Variants in PSMD9 observed in about 807,000 individuals in gnomAD.
PSMD9 encodes 26S proteasome non-ATPase regulatory subunit 9.
PSMD9 carries 26 observed loss-of-function variants against 25.9 expected under a neutral mutation model. The observed-to-expected ratio is 1.00, with a 90% CI of 0.73 to 1.39. The LOEUF is 1.39. Among genes scored for constraint, PSMD9 ranks in the 40% most tolerant of loss-of-function variants. The pLI is 0.00. For missense variants in PSMD9, 303 were observed against 299.3 expected, an observed-to-expected ratio of 1.01 and a Z score of -0.09; for synonymous variants, 110 against 114.5, an observed-to-expected ratio of 0.96 and a Z score of 0.25.
intron 1 of PSMD9, among the ~76,000 whole-genome samples, chr12:121,893,277 T>C (rs1251430354): frequency 2.0e-5 from 3 of 152,020 alleles, no homozygotes; most frequent in Non-Finnish European, 4.4e-5. Flanking sequence ...GTTAGGGGAG[T>C]GTGGAGAACT....
Position 121,896,647 on chromosome 12 carries a change from A to T in PSMD9, c.241+1806A>T, listed in dbSNP as rs1165811195. On this transcript the variant is annotated intron_variant, in intron 2 of 5. Coordinates refer to ENST00000541212, the MANE Select transcript of PSMD9 (RefSeq NM_002813.7). ...AGGTCGGGAGTTCGAGACCAGCCTG[A>T]CCAACATGGAGAAACCCTGTCTCTA... 2.0e-5 allele frequency among the ~76,000 whole-genome samples: 3 copies of T among 151,838 alleles called. 1 individual carries two copies. The South Asian group carries it at 6.2e-4, about 32-fold the overall frequency.
chr12:121,888,903 GCGTC>G lies in PSMD9; in HGVS notation c.48_51del (p.Val17Ter), dbSNP rs746003212. On this transcript the variant is annotated frameshift_variant, in exon 1 of 6. Transcript: ENST00000541212. LOFTEE classifies it high-confidence loss of function. ...CAGAGCGGAGGCTCCTCGCAGGCCG[GCGTC>G]GTGACTGTCAGCGACGTCCAGGAGC... The G allele has an allele frequency of 6.2e-7, 1 of 1,600,536 alleles. No individual in the cohort carries two copies. The highest frequency in any genetic ancestry group is 8.5e-7 in the Non-Finnish European group (1 of 1,174,446).
intron 4 of PSMD9, 200 bp from the exon 5 acceptor site, chr12:121,915,656 G>A (rs1057045596): frequency 5.6e-6 from 3 of 535,018 alleles, no homozygotes; most frequent in Non-Finnish European, 9.9e-6. Flanking sequence ...TGTTTTTTGA[G>A]GAAGATGGTA....
In PSMD9 at chr12:121,913,850, G is replaced by A. The variant is rs1209732048; in HGVS notation, c.556-2006G>A. Among the ~76,000 whole-genome samples the A allele has an allele frequency of 8.6e-5, 13 of 151,992 alleles. No homozygotes were observed. The East Asian group carries it at 1.9e-3, about 23-fold the overall frequency. ...GTTGCCTTTTCACTCTGTTAATAGT[G>A]TCATTTGATACATAGAAGTTTTAGA... On this transcript the variant is annotated intron_variant, in intron 4 of 5. Transcript: ENST00000541212.
At chr12:121,902,651 C>T (rs1051138023) in intron 3 of PSMD9, 1 of 218,342 alleles carries the variant, frequency 4.6e-6, no homozygotes, top group Non-Finnish European at 9.4e-6. Flanking sequence ...TGGGCCCAGC[C>T]TGGCTTGCCT....
At chr12:121,894,467 A>T in intron 1 of PSMD9, 1 of 366,100 alleles carries the variant, frequency 2.7e-6, no homozygotes, top group African/African-American at 2.1e-5. Flanking sequence ...TGATGCTCAA[A>T]GGAGTCTTTG....
Position 121,916,267 on chromosome 12 carries a change from TTTC to T in PSMD9, c.645-11_645-9del. On this transcript the variant is annotated splice_polypyrimidine_tract_variant and intron_variant, in intron 5 of 5. Coordinates refer to ENST00000541212, the MANE Select transcript of PSMD9 (RefSeq NM_002813.7). ...GAGCCTCCAAACTTACGCCATTCCT[TTTC>T]TTCTTTCTTCCAGCTGCAACATTAT... is the stretch of plus-strand genomic sequence containing the variant. 1 of 1,614,060 alleles carries T rather than the reference TTTC, an allele frequency of 6.2e-7. No individual in the cohort carries two copies. The highest frequency in any genetic ancestry group is 8.5e-7 in the Non-Finnish European group (1 of 1,179,914).
intron 4 of PSMD9, among the ~76,000 whole-genome samples, chr12:121,913,233 C>A (rs916801721): frequency 5.9e-5 from 9 of 151,658 alleles, no homozygotes; most frequent in Non-Finnish European, 8.8e-5. Flanking sequence ...CGTGAGCCAC[C>A]GCGCCTGGCC....
intron 2 of PSMD9, chr12:121,898,376 C>T (rs989422080): frequency 2.0e-5 from 3 of 152,156 alleles, no homozygotes; most frequent in Non-Finnish European, 4.4e-5. Context: ...TCAAAGATCC[C>T]AATTTTCAGC....
Position 121,896,849 on chromosome 12 carries a change from A to AAG in PSMD9, c.241+2009_241+2010insGA, listed in dbSNP as rs1555213559. On this transcript the variant is annotated intron_variant, in intron 2 of 5. Transcript: ENST00000541212. ...GAAACTCTGTCTCAAAAAAAAAAAA[A>AAG]AAAAGAAAAGAAAAAAAAATTGGAA... Among the ~76,000 whole-genome samples the AAG allele has an allele frequency of 1.4e-3, 212 of 148,380 alleles. 2 individuals carry two copies. The highest frequency in any genetic ancestry group is 2.3e-3 in the Non-Finnish European group (158 of 67,268).
intron 2 of PSMD9, 93 bp downstream of exon 2, chr12:121,894,934 C>T: frequency 6.4e-6 from 7 of 1,087,000 alleles, no homozygotes; most frequent in Non-Finnish European, 9.6e-6. Flanking sequence ...TATCTACTGC[C>T]TTCTCTTCTG....
chr12:121,910,487 C>T (rs374663867), intron 4 of PSMD9, among the ~76,000 whole-genome samples: 124 of 151,740 alleles, frequency 8.2e-4, no homozygotes, highest in African/African-American at 2.9e-3. Context: ...TTAGGCCGGG[C>T]GCGGTGGCTC....
intron 1 of PSMD9, among the ~76,000 whole-genome samples, chr12:121,890,354 CTTTAG>C (rs1260658679): frequency 6.6e-6 from 1 of 152,196 alleles, no homozygotes; most frequent in Non-Finnish European, 1.5e-5. Context: ...ATTTCTCAAA[CTTTAG>C]TTTACTTTCT....
At chr12:121,903,133 G>T (rs150550522) in intron 4 of PSMD9, 26 bp downstream of exon 4, 1 of 1,589,130 alleles carries the variant, frequency 6.3e-7, no homozygotes, top group Non-Finnish European at 8.6e-7. Context: ...TGGTGTCTCG[G>T]TCTGTTTGGG....
chr12:121,889,047 G>A (rs1878978831), intron 1 of PSMD9, 53 bp downstream of exon 1: 1 of 1,544,640 alleles, frequency 6.5e-7, no homozygotes, highest in Non-Finnish European at 8.8e-7. Flanking sequence ...CGGAGTCCCT[G>A]GGGTACTGGG....
intron 4 of PSMD9, chr12:121,915,324 CAA>C (rs36112373): frequency 1.8e-3 from 240 of 133,476 alleles, no homozygotes; most frequent in Non-Finnish European, 2.1e-3. Flanking sequence ...GACTGTGTCT[CAA>C]AAAAAAAAAA....
chr12:121,889,148 G>C (rs191972381), intron 1 of PSMD9, among the ~76,000 whole-genome samples, 154 bp downstream of exon 1: 176 of 152,370 alleles, frequency 1.2e-3, no homozygotes, highest in African/African-American at 3.9e-3. Context: ...GGCACAAGAA[G>C]GCAGGCAAAG....
rs376862682 is a variant in PSMD9, at chr12:121,907,420, C to G, written c.555+4313C>G. Among the ~76,000 whole-genome samples, 5 of 148,412 alleles carry G rather than the reference C, an allele frequency of 3.4e-5. No homozygotes were observed. In the East Asian group the frequency reaches 8.1e-4, roughly 24 times the overall value. ...TTTTTATTTGAGATGGAGTCTTGCT[C>G]TGTCACCCAGGCTGGAGTGCAGTGG... On this transcript the variant is annotated intron_variant, in intron 4 of 5. Transcript: ENST00000541212.
intron 4 of PSMD9, among the ~76,000 whole-genome samples, chr12:121,912,241 G>T (rs1336226543): frequency 6.6e-6 from 1 of 151,698 alleles, no homozygotes; most frequent in African/African-American, 2.4e-5. Flanking sequence ...TGTTGCCCAG[G>T]CTGGTCTTGA....
Sources: allele counts gnomAD v4.1 joint callset (sites outside exome capture counted in the v4.1 genomes callset), GRCh38; gene constraint gnomAD v4.1.1; transcripts MANE v1.5; gene names NCBI Gene and HGNC (gene_info 2026-07-23, HGNC 2026-07-21).